The following RSPH9 variants were observed in gnomAD, a reference collection of about 807,000 sequenced individuals.
RSPH9 encodes radial spoke head component 9.
A neutral mutation model predicts 27.0 loss-of-function variants in RSPH9; 27 were observed. The observed-to-expected ratio is 1.00, with a 90% CI of 0.74 to 1.38. RSPH9 has a LOEUF of 1.38. RSPH9 is among the 40% of genes most tolerant of loss of function. The pLI is 0.00. For synonymous variants in RSPH9, 145 were observed against 147.7 expected (o/e 0.98, Z 0.13); for missense variants, 347 against 357.4 (o/e 0.97, Z 0.24).
intron 4 of RSPH9, 48 bp from the exon 5 acceptor site, chr6:43,670,741 T>C (rs1343410025): frequency 6.3e-7 from 1 of 1,576,412 alleles, no homozygotes; most frequent in Non-Finnish European, 8.7e-7. Context: ...AGGGCAGAGC[T>C]GTGGCTCCAG....
intron 1 of RSPH9, among the ~76,000 whole-genome samples, chr6:43,647,159 T>G (rs1049877062): frequency 7.4e-6 from 1 of 135,922 alleles, no homozygotes; most frequent in Non-Finnish European, 1.7e-5. Flanking sequence ...TAAACAAACT[T>G]TAAAAATAAA....
rs752978111 is a variant in RSPH9 at position 43,650,411 on chromosome 6, C to T, written c.264C>T (p.Ala88=). 1.2e-6 allele frequency: 2 copies of T among 1,613,684 alleles called. No individual in the cohort carries two copies. Among genetic ancestry groups the T allele is most frequent in the Non-Finnish European group, 1.7e-6 (2 of 1,180,000 alleles). Residue 88 remains alanine, a synonymous_variant, in exon 2 of 5, where the codon GCC becomes GCT. Transcript: ENST00000372163. ...NCTEWSLLPP[A]TEEMVAQSSV... is the part of the protein sequence containing the mutation. ...CAGAGTGGAGCCTCTTGCCCCCTGC[C>T]ACAGAGGAGATGGTGGCGCAGTCGT...
chr6:43,663,421 G>T (rs891885285), intron 4 of RSPH9, among the ~76,000 whole-genome samples: 1 of 152,056 alleles, frequency 6.6e-6, no homozygotes, highest in African/African-American at 2.4e-5. Flanking sequence ...GTTTCACCAT[G>T]TTGGCCAGGC....
intron 4 of RSPH9, among the ~76,000 whole-genome samples, chr6:43,659,276 G>T (rs1230278713): frequency 1.3e-5 from 2 of 150,980 alleles, no homozygotes; most frequent in African/African-American, 2.4e-5. Flanking sequence ...AGCCTGGAGT[G>T]CAATGGTGTG....
rs1773721176 is a variant in RSPH9, at chr6:43,671,893, A to C, written c.*944A>C. On this transcript the variant is annotated 3_prime_UTR_variant, in exon 5 of 5. Transcript: ENST00000372163. Reference sequence around the variant, plus strand: ...ATGGGCTTGACGGAGCCAGGAGCCCAGCGCGTCAGGTACCTGTGGAGGGAG... The same window carrying C: ...ATGGGCTTGACGGAGCCAGGAGCCCCGCGCGTCAGGTACCTGTGGAGGGAG... 6.2e-7 allele frequency: 1 copy of C among 1,610,558 alleles called. No individual in the cohort carries two copies. Among genetic ancestry groups the C allele is most frequent in the South Asian group, 1.1e-5 (1 of 90,654 alleles).
At position 43,658,985 on chromosome 6, in the gene RSPH9, C is replaced by T. The variant is rs944016514; in HGVS notation, c.670+2262C>T. Among the ~76,000 whole-genome samples the T allele has an allele frequency of 6.6e-5, 10 of 152,210 alleles. No individual in the cohort carries two copies. In the South Asian group the frequency reaches 1.0e-3, roughly 16 times the overall value. On this transcript the variant is annotated intron_variant, in intron 4 of 4. Coordinates refer to ENST00000372163, the MANE Select transcript of RSPH9 (RefSeq NM_152732.5). ...TACAGGTCTGAGCCACCAAACCTGG[C>T]TTACGTAATATTCTTAATCCTTTGT...
chr6:43,655,083 ATTATCT>A (rs1771865315), intron 2 of RSPH9, among the ~76,000 whole-genome samples: 1 of 152,224 alleles, frequency 6.6e-6, no homozygotes, highest in Non-Finnish European at 1.5e-5. Context: ...GTTATCAGTG[ATTATCT>A]TTAGGAGGTA....
At position 43,658,686 on chromosome 6, in the gene RSPH9, C is replaced by T. The variant is rs564532207; in HGVS notation, c.670+1963C>T. Among the ~76,000 whole-genome samples the T allele has an allele frequency of 1.1e-4, 16 of 152,058 alleles. No homozygotes were observed. In the South Asian group the frequency reaches 2.7e-3, roughly 26 times the overall value. The stretch of plus-strand genomic sequence containing the variant: ...CCTCCCAAGTAGCTGGGACTACAGG[C>T]GCCCGCCACCATGCCTGGCTAATCT... On this transcript the variant is annotated intron_variant, in intron 4 of 4. Transcript: ENST00000372163.
intron 1 of RSPH9, among the ~76,000 whole-genome samples, chr6:43,648,780 G>A (rs1392077461): frequency 6.6e-6 from 1 of 152,142 alleles, no homozygotes; most frequent in African/African-American, 2.4e-5. Context: ...GTTGGATTCT[G>A]GATACAGACT....
chr6:43,656,600 A>T lies in RSPH9; in HGVS notation c.547A>T (p.Lys183Ter). 1 of 1,614,184 alleles carries T rather than the reference A, an allele frequency of 6.2e-7. No individual in the cohort carries two copies. The highest frequency in any genetic ancestry group is 8.5e-7 in the Non-Finnish European group (1 of 1,180,036). Residue 183 changes from lysine (K) to a stop codon, truncating the protein, a stop_gained, in exon 4 of 5, where the codon AAG becomes TAG. Transcript: ENST00000372163. LOFTEE classifies it high-confidence loss of function. ...AGGACTGTCCTTGTCTGAGGCCAAG[A>T]AGCTCAGCTCCTACTTCCATTTCAG... ...FEGLSLSEAK[K>*]LSSYFHFREP...
chr6:43,646,832 T>A (rs1770924545), intron 1 of RSPH9, among the ~76,000 whole-genome samples: 1 of 151,698 alleles, frequency 6.6e-6, no homozygotes, highest in Non-Finnish European at 1.5e-5. Context: ...GGCGGGCGCC[T>A]GTAGTCCTAG....
chr6:43,657,632 C>G (rs1056309935), intron 4 of RSPH9, among the ~76,000 whole-genome samples: 1 of 152,166 alleles, frequency 6.6e-6, no homozygotes, highest in East Asian at 1.9e-4. Flanking sequence ...GAGCAGCAAG[C>G]GACCCAACTG....
intron 1 of RSPH9, among the ~76,000 whole-genome samples, chr6:43,648,369 A>T (rs765831635): frequency 9.9e-5 from 15 of 152,222 alleles, no homozygotes; most frequent in Middle Eastern, 3.2e-3. Flanking sequence ...ACCTGAAGTG[A>T]CTGAGAGAGT....
intron 2 of RSPH9, among the ~76,000 whole-genome samples, chr6:43,650,866 C>T (rs1771388208): frequency 1.3e-5 from 2 of 148,498 alleles, no homozygotes; most frequent in African/African-American, 5.1e-5. Flanking sequence ...GATCGCGCCA[C>T]TGCACTCCAG....
rs1384410674 is a variant in RSPH9 at position 43,659,406 on chromosome 6, G to A, written c.670+2683G>A. Among the ~76,000 whole-genome samples, 6 of 150,126 alleles carry A rather than the reference G, an allele frequency of 4.0e-5. No homozygotes were observed. In the South Asian group the frequency reaches 6.3e-4, roughly 16 times the overall value. Reference sequence around the variant, plus strand: ...CCCGGCTTTTTTTTTTTTTTGAGACGGAGTCTCGCTCTGTCGCCCAGGCTG... The same window carrying A: ...CCCGGCTTTTTTTTTTTTTTGAGACAGAGTCTCGCTCTGTCGCCCAGGCTG... On this transcript the variant is annotated intron_variant, in intron 4 of 4. Transcript: ENST00000372163.
chr6:43,647,968 G>A (rs1771055860), intron 1 of RSPH9, among the ~76,000 whole-genome samples: 1 of 152,146 alleles, frequency 6.6e-6, no homozygotes, highest in Non-Finnish European at 1.5e-5. Flanking sequence ...AAAGCTAAAG[G>A]GGATAGAGAA....
rs143553558 is a variant in RSPH9 at position 43,660,310 on chromosome 6, C to T, written c.670+3587C>T. Among the ~76,000 whole-genome samples the T allele has an allele frequency of 2.2e-4, 34 of 151,974 alleles. 1 individual carries two copies. The highest frequency in any genetic ancestry group is 3.4e-3 in the Middle Eastern group (1 of 294). On this transcript the variant is annotated intron_variant, in intron 4 of 4. Transcript: ENST00000372163. ...CCCACCTCAGCCTCCCAAAATGTTG[C>T]GATTACAGGTGTGAGGCACTGTGAT...
At chr6:43,663,079 T>C (rs1444974159) in intron 4 of RSPH9, among the ~76,000 whole-genome samples, 4 of 152,120 alleles carry the variant, frequency 2.6e-5, no homozygotes, top group Non-Finnish European at 5.9e-5. Context: ...ATTACAGGGA[T>C]GAACCACCAT....
intron 4 of RSPH9, among the ~76,000 whole-genome samples, chr6:43,665,365 A>G (rs552173221): frequency 1.6e-4 from 25 of 152,374 alleles, no homozygotes; most frequent in African/African-American, 5.8e-4. Context: ...GGGGCTGGGC[A>G]AGGTGGCCCA....
Sources: gnomAD v4.1 joint callset for allele counts (sites outside exome capture counted in the v4.1 genomes callset) on GRCh38, gnomAD v4.1.1 for gene constraint, MANE v1.5 for transcripts, NCBI Gene and HGNC (gene_info 2026-07-23, HGNC 2026-07-21) for gene names.